Variants in DGLUCY observed in about 807,000 individuals in gnomAD.
DGLUCY encodes the protein D-glutamate cyclase, also known as D-glutamate cyclase, mitochondrial.
A neutral mutation model predicts 58.5 loss-of-function variants in DGLUCY; 58 were observed. The ratio of observed to expected loss-of-function variants is 0.99; its 90% CI spans 0.80 to 1.23. The LOEUF (loss-of-function observed/expected upper bound fraction) is 1.23, where lower values mean the gene tolerates loss of function less well. Among genes scored for constraint, DGLUCY ranks in the 50% most tolerant of loss-of-function variants. The probability of loss-of-function intolerance (pLI) is 0.00; values close to 1 mark genes in which losing one functional copy is unlikely to be tolerated. For missense variants in DGLUCY, 779 were observed against 784.7 expected (o/e 0.99, Z 0.09); for synonymous variants, 325 against 314.1 (o/e 1.03, Z -0.37).
chr14:91,135,897 G>C (rs1456165206), intron 1 of DGLUCY, among the ~76,000 whole-genome samples: 1 of 147,962 alleles, frequency 6.8e-6, no homozygotes, highest in African/African-American at 2.5e-5. Context: ...GATTCTTGGG[G>C]TAATTCCAAC....
intron 1 of DGLUCY, among the ~76,000 whole-genome samples, chr14:91,155,903 A>G (rs2047591351): frequency 6.6e-6 from 1 of 151,770 alleles, no homozygotes; most frequent in Admixed American, 6.6e-5. Flanking sequence ...CATAAAATGT[A>G]GTGCGACAGC....
intron 1 of DGLUCY, among the ~76,000 whole-genome samples, chr14:91,122,606 T>TTTTG (rs1490708685): frequency 6.9e-5 from 9 of 130,870 alleles, no homozygotes; most frequent in Non-Finnish European, 1.3e-4. Flanking sequence ...AAAAAAGTTT[T>TTTTG]TTTTTTTTTT....
chr14:91,134,246 A>G (rs1178590881), intron 1 of DGLUCY, among the ~76,000 whole-genome samples: 1 of 152,222 alleles, frequency 6.6e-6, no homozygotes, highest in Non-Finnish European at 1.5e-5. Flanking sequence ...TTTAGGGAGA[A>G]CAGATATATT....
At chr14:91,112,698 A>C (rs933253746), upstream of DGLUCY, among the ~76,000 whole-genome samples, 1 of 152,162 alleles carries the variant, frequency 6.6e-6, no homozygotes, top group Admixed American at 6.5e-5. Flanking sequence ...AAGCAAAAAC[A>C]AAAAACCAAA....
chr14:91,155,383 G>A (rs1341986383), intron 1 of DGLUCY, among the ~76,000 whole-genome samples: 2 of 152,196 alleles, frequency 1.3e-5, no homozygotes, highest in African/African-American at 4.8e-5. Context: ...CCACCACTCA[G>A]TGAGGTACTG....
chr14:91,188,364 G>A (rs546074124), intron 8 of DGLUCY, among the ~76,000 whole-genome samples: 1 of 152,282 alleles, frequency 6.6e-6, no homozygotes, highest in Non-Finnish European at 1.5e-5. Context: ...CAGACTGAAG[G>A]GAGGCTCCTC....
intron 10 of DGLUCY, 111 bp downstream of exon 10, chr14:91,196,585 A>G (rs2050229810): frequency 1.2e-6 from 1 of 863,990 alleles, no homozygotes; most frequent in Non-Finnish European, 1.9e-6. Flanking sequence ...GAGCGAAGCC[A>G]TGAGCCAAGG....
At chr14:91,217,768 G>C (rs890027743) in intron 13 of DGLUCY, among the ~76,000 whole-genome samples, 1 of 152,016 alleles carries the variant, frequency 6.6e-6, no homozygotes, top group Non-Finnish European at 1.5e-5. Flanking sequence ...GATTCCAGGC[G>C]TGAGCCACCA....
chr14:91,216,079 G>A, intron 13 of DGLUCY: 1 of 229,650 alleles, frequency 4.4e-6, no homozygotes, highest in Non-Finnish European at 8.8e-6. Flanking sequence ...CCAAGTAGAA[G>A]GAGAGGAATC....
At chr14:91,076,453 T>A (rs528592108) in intron 1 of DGLUCY, among the ~76,000 whole-genome samples, 1 of 152,202 alleles carries the variant, frequency 6.6e-6, no homozygotes, top group Non-Finnish European at 1.5e-5. Context: ...TTATTGTTTT[T>A]TTCTTCCTGA....
At chr14:91,112,282 G>T (rs2044717170), upstream of DGLUCY, among the ~76,000 whole-genome samples, 1 of 151,952 alleles carries the variant, frequency 6.6e-6, no homozygotes, top group Non-Finnish European at 1.5e-5. Context: ...AACATAACAG[G>T]TGGCAGATGG....
upstream of DGLUCY, among the ~76,000 whole-genome samples, chr14:91,111,286 A>T (rs1361391692): frequency 7.1e-4 from 42 of 58,944 alleles, no homozygotes; most frequent in South Asian, 2.1e-3. Context: ...ATATATATAT[A>T]TATATTTTTT....
At chr14:91,078,355 A>T (rs772851063) in intron 1 of DGLUCY, among the ~76,000 whole-genome samples, 5 of 152,222 alleles carry the variant, frequency 3.3e-5, no homozygotes, top group Non-Finnish European at 5.9e-5. Context: ...GAAAAACTGG[A>T]TTTAATAACC....
chr14:91,149,488 C>T (rs923572072), intron 1 of DGLUCY, among the ~76,000 whole-genome samples: 1 of 152,150 alleles, frequency 6.6e-6, no homozygotes, highest in African/African-American at 2.4e-5. Flanking sequence ...TTGAGCTGTG[C>T]AGTGCCAGAA....
intron 1 of DGLUCY, among the ~76,000 whole-genome samples, chr14:91,086,521 T>C (rs1206663157): frequency 6.6e-6 from 1 of 152,202 alleles, no homozygotes; most frequent in Non-Finnish European, 1.5e-5. Context: ...ATTGTTACAC[T>C]GTATCATTTA....
chr14:91,223,631 G>A (rs543558619), intron 13 of DGLUCY: 1 of 1,273,578 alleles, frequency 7.9e-7, no homozygotes, highest in Admixed American at 2.4e-5. Flanking sequence ...TTTGGAAGGA[G>A]GGGGGATGGA....
chr14:91,224,372 C>T lies in DGLUCY; in HGVS notation c.1717-312C>T, dbSNP rs575050225. 9.1e-4 allele frequency among the ~76,000 whole-genome samples: 139 copies of T among 152,268 alleles called. 1 individual carries two copies. The highest frequency in any genetic ancestry group is 3.2e-3 in the African/African-American group (132 of 41,558). On this transcript the variant is annotated intron_variant, in intron 13 of 13. Coordinates refer to ENST00000256324, the MANE Select transcript of DGLUCY (RefSeq NM_001102368.3). ...GCAAGACCCCATCTCTAAAAACGGA[C>T]AATCAAACTAAGAAACTATGTTTCC...
chr14:91,167,187 G>A (rs749125590), intron 3 of DGLUCY, 38 bp from the exon 4 acceptor site: 20 of 1,540,030 alleles, frequency 1.3e-5, no homozygotes, highest in Middle Eastern at 2.3e-4. Context: ...CCAAGAAACC[G>A]CTGACTATAC....
intron 1 of DGLUCY, among the ~76,000 whole-genome samples, chr14:91,083,704 G>A (rs2140051602): frequency 6.6e-6 from 1 of 152,184 alleles, no homozygotes; most frequent in East Asian, 1.9e-4. Context: ...AGAGATGCCA[G>A]CAATGTTTTT....
Sources: allele counts gnomAD v4.1 joint callset (sites outside exome capture counted in the v4.1 genomes callset), GRCh38; gene constraint gnomAD v4.1.1; transcripts MANE v1.5; gene names NCBI Gene and HGNC (gene_info 2026-07-23, HGNC 2026-07-21).